The following TSPAN18 variants were observed in gnomAD, a reference collection of about 807,000 sequenced individuals.
TSPAN18 encodes tetraspanin 18, also known as tetraspanin-18.
A neutral mutation model predicts 27.3 loss-of-function variants in TSPAN18; 14 were observed. That is an observed-to-expected ratio of 0.51 (90% CI 0.34 to 0.80). The LOEUF is 0.80. Ranked by LOEUF, TSPAN18 falls within the 30% of genes least tolerant of loss-of-function variation. TSPAN18 has a pLI of 0.01. For missense variants in TSPAN18, 268 were observed against 323.9 expected, an observed-to-expected ratio of 0.83 and a Z score of 1.32; for synonymous variants, 143 against 136.5, an observed-to-expected ratio of 1.05 and a Z score of -0.33.
chr11:44,780,405 C>T (rs189958746), intron 2 of TSPAN18, among the ~76,000 whole-genome samples: 1 of 152,336 alleles, frequency 6.6e-6, no homozygotes, highest in East Asian at 1.9e-4. Flanking sequence ...GTACAAGTGC[C>T]CTCCGAGGCT....
chr11:44,840,696 A>G (rs1857355752), intron 2 of TSPAN18, among the ~76,000 whole-genome samples: 1 of 152,182 alleles, frequency 6.6e-6, no homozygotes. Flanking sequence ...CACCACGTTC[A>G]TTATCCTGCT....
chr11:44,816,548 G>T (rs1370909417), intron 2 of TSPAN18, among the ~76,000 whole-genome samples: 1 of 152,136 alleles, frequency 6.6e-6, no homozygotes, highest in African/African-American at 2.4e-5. Flanking sequence ...CCCTGGGAGA[G>T]GATCTTAACT....
intron 8 of TSPAN18, 113 bp from the exon 9 acceptor site, chr11:44,926,561 G>A: frequency 1.1e-6 from 1 of 945,428 alleles, no homozygotes; most frequent in Non-Finnish European, 1.7e-6. Context: ...GCAGCCGTGT[G>A]ATAGGGTGAG....
chr11:44,790,773 C>T (rs981078815), intron 2 of TSPAN18, among the ~76,000 whole-genome samples: 2 of 152,184 alleles, frequency 1.3e-5, no homozygotes, highest in Non-Finnish European at 2.9e-5. Context: ...CTCTGAGCCT[C>T]AGCTTCCTCA....
chr11:44,788,237 G>T (rs1856105642), intron 2 of TSPAN18, among the ~76,000 whole-genome samples: 1 of 152,150 alleles, frequency 6.6e-6, no homozygotes, highest in Non-Finnish European at 1.5e-5. Context: ...CAGAACCTCA[G>T]CAGCTCTTGG....
In TSPAN18 at chr11:44,929,712, G is replaced by A. The variant is rs1860496501; in HGVS notation, c.*534G>A. The A allele has an allele frequency of 6.5e-6, 1 of 154,176 alleles. No homozygotes were observed. Among genetic ancestry groups the A allele is most frequent in the Non-Finnish European group, 1.4e-5 (1 of 69,426 alleles). 9.6% of individuals were successfully genotyped at this position (154,176 alleles called of 1,614,324 possible). On this transcript the variant is annotated 3_prime_UTR_variant, in exon 10 of 10. Coordinates refer to ENST00000520358, the MANE Select transcript of TSPAN18 (RefSeq NM_130783.5). ...TCCCCCCTTCAGGCCGGGGCCAAGA[G>A]TGAGCTGCTAACACGGCATCCAAGA...
intron 2 of TSPAN18, among the ~76,000 whole-genome samples, chr11:44,800,489 C>G (rs2135067216): frequency 6.6e-6 from 1 of 152,302 alleles, no homozygotes; most frequent in East Asian, 1.9e-4. Flanking sequence ...GTTGGGTGAG[C>G]CCCTCTGTCT....
Position 44,912,893 on chromosome 11 carries a change from C to CTGTGT in TSPAN18, c.258+2994_258+2995insTGTGT, listed in dbSNP as rs1168455856. ...GCATGTGCACATGTGCCTGTGTGTGCACATGTGTGTTGTGTGTGCATGTGT... is the reference window on the plus strand; with the variant it reads ...GCATGTGCACATGTGCCTGTGTGTGCTGTGTACATGTGTGTTGTGTGTGCATGTGT... On this transcript the variant is annotated intron_variant, in intron 5 of 9. Coordinates refer to ENST00000520358, the MANE Select transcript of TSPAN18 (RefSeq NM_130783.5). 9.1e-4 allele frequency among the ~76,000 whole-genome samples: 27 copies of CTGTGT among 29,728 alleles called. No individual in the cohort carries two copies. The Admixed American group carries it at 0.012, about 13-fold the overall frequency. The allele number at this position is 29,728 out of a possible 152,430, so 19.5% of individuals were successfully genotyped here.
chr11:44,916,168 T>G (rs2863134), intron 5 of TSPAN18, among the ~76,000 whole-genome samples: 1,530 of 152,206 alleles, frequency 0.01, 37 homozygotes, highest in African/African-American at 0.035. Flanking sequence ...GATTCTATAC[T>G]CCTCCCGAGG....
chr11:44,738,012 G>C (rs1055217946), intron 1 of TSPAN18, among the ~76,000 whole-genome samples: 1 of 151,960 alleles, frequency 6.6e-6, no homozygotes, highest in Non-Finnish European at 1.5e-5. Flanking sequence ...TTGGATGACT[G>C]TTGACTTCTC....
In TSPAN18 at chr11:44,932,422, A is replaced by T. The variant is rs1054147833; in HGVS notation, c.*3244A>T. ...GAACAAAGAATAAATAGTGACCGTGAAGAAAGGTGGTCTTGATTTGGGGTT... is the reference window on the plus strand; with the variant it reads ...GAACAAAGAATAAATAGTGACCGTGTAGAAAGGTGGTCTTGATTTGGGGTT... On this transcript the variant is annotated 3_prime_UTR_variant, in exon 10 of 10. Coordinates refer to ENST00000520358, the MANE Select transcript of TSPAN18 (RefSeq NM_130783.5). 6.6e-6 allele frequency: 1 copy of T among 152,286 alleles called. No homozygotes were observed. The highest frequency in any genetic ancestry group is 2.4e-5 in the African/African-American group (1 of 41,444). The allele number at this position is 152,286 out of a possible 1,614,324, so 9.4% of individuals were successfully genotyped here. A position where few individuals can be genotyped will look rare whatever the true frequency, so the allele number is the denominator to read the frequency against.
At position 44,748,686 on chromosome 11, in the gene TSPAN18, C is replaced by G. The variant is rs143734613; in HGVS notation, c.-239-15740C>G. 1.2e-4 allele frequency among the ~76,000 whole-genome samples: 18 copies of G among 152,268 alleles called. No homozygotes were observed. The South Asian group carries it at 1.5e-3, about 12-fold the overall frequency. On this transcript the variant is annotated intron_variant, in intron 1 of 9. Coordinates refer to ENST00000520358, the MANE Select transcript of TSPAN18 (RefSeq NM_130783.5). The stretch of plus-strand genomic sequence containing the variant: ...TTAGAGAAGCCACAGTGTCATAGCA[C>G]CGCACTTTTATTCTTCTCATTTCCT...
intron 3 of TSPAN18, among the ~76,000 whole-genome samples, chr11:44,883,403 A>C (rs1250015459): frequency 6.6e-6 from 1 of 152,182 alleles, no homozygotes; most frequent in Non-Finnish European, 1.5e-5. Context: ...GTAGATAGCA[A>C]AAGGTGTGGC....
At chr11:44,847,873 G>C (rs1457409555) in intron 2 of TSPAN18, among the ~76,000 whole-genome samples, 4 of 151,430 alleles carry the variant, frequency 2.6e-5, no homozygotes, top group Admixed American at 2.6e-4. Context: ...TCACTGTGTT[G>C]CCCAGGCTGG....
chr11:44,787,251 ATG>A (rs1856079718), intron 2 of TSPAN18, among the ~76,000 whole-genome samples: 1 of 152,212 alleles, frequency 6.6e-6, no homozygotes, highest in Non-Finnish European at 1.5e-5. Context: ...CCTGTGATGT[ATG>A]TACTTTTAGG....
intron 1 of TSPAN18, among the ~76,000 whole-genome samples, chr11:44,727,957 G>C (rs1179014916): frequency 6.6e-6 from 1 of 152,198 alleles, no homozygotes; most frequent in Admixed American, 6.5e-5. Flanking sequence ...TGCTCGGCTC[G>C]GGTGGGATCG....
intron 3 of TSPAN18, among the ~76,000 whole-genome samples, chr11:44,862,790 A>G (rs1470848): frequency 0.36 from 55,265 of 152,086 alleles, 11,804 homozygotes; most frequent in African/African-American, 0.59. Context: ...AGCATTTTGT[A>G]AAGCCCCCAC....
At chr11:44,846,515 A>T (rs1857485439) in intron 2 of TSPAN18, among the ~76,000 whole-genome samples, 1 of 152,208 alleles carries the variant, frequency 6.6e-6, no homozygotes, top group Admixed American at 6.5e-5. Flanking sequence ...AGAACACTCG[A>T]CAAACGTCAA....
intron 1 of TSPAN18, among the ~76,000 whole-genome samples, chr11:44,757,078 T>A (rs1018441096): frequency 6.6e-6 from 1 of 152,208 alleles, no homozygotes; most frequent in Non-Finnish European, 1.5e-5. Context: ...ATGTTGAATT[T>A]GTCAAATGCT....
Sources: allele counts gnomAD v4.1 joint callset (sites outside exome capture counted in the v4.1 genomes callset), GRCh38; gene constraint gnomAD v4.1.1; transcripts MANE v1.5; gene names NCBI Gene and HGNC (gene_info 2026-07-23, HGNC 2026-07-21).